Variants in EFCAB3 observed in about 807,000 individuals in gnomAD.
EFCAB3 encodes the protein EF-hand calcium-binding domain-containing protein 3.
EFCAB3 carries 36 observed loss-of-function variants against 42.2 expected under a neutral mutation model. The observed-to-expected ratio is 0.85, with a 90% CI of 0.65 to 1.13. EFCAB3 has a LOEUF of 1.13. Among genes scored for constraint, EFCAB3 ranks in the 50% most tolerant of loss-of-function variants. The pLI, the probability that EFCAB3 is intolerant of heterozygous loss-of-function variation, is 0.00. For synonymous variants in EFCAB3, 170 were observed against 172.8 expected (o/e 0.98, Z 0.13); for missense variants, 418 against 505.1 (o/e 0.83, Z 1.65).
At chr17:62,379,927 G>A (rs971664913), upstream of EFCAB3, among the ~76,000 whole-genome samples, 7 of 152,192 alleles carry the variant, frequency 4.6e-5, no homozygotes, top group African/African-American at 1.7e-4. Flanking sequence ...TTAATGAAAT[G>A]ATTCTTAATC....
chr17:62,396,168 T>C (rs998593871), intron 6 of EFCAB3, among the ~76,000 whole-genome samples: 13 of 152,210 alleles, frequency 8.5e-5, no homozygotes, highest in Non-Finnish European at 1.8e-4. Flanking sequence ...ACAATACATG[T>C]GAAGTGCTTA....
chr17:62,411,823 AGG>A (rs760664186), intron 8 of EFCAB3, among the ~76,000 whole-genome samples: 2 of 136,834 alleles, frequency 1.5e-5, no homozygotes, highest in Non-Finnish European at 3.1e-5. Context: ...GGAGGGAGGG[AGG>A]GAGGAAGGAG....
At chr17:62,383,701 A>G (rs1184544192) in intron 2 of EFCAB3, among the ~76,000 whole-genome samples, 1 of 152,148 alleles carries the variant, frequency 6.6e-6, no homozygotes, top group Non-Finnish European at 1.5e-5. Flanking sequence ...AGGATACAAA[A>G]TACCCTAGGG....
Position 62,387,329 on chromosome 17 carries a change from T to C in EFCAB3, c.75-11T>C, listed in dbSNP as rs1179947402. ...GGTAGTAAATCTAAATATTTTCACATCTTTCCTCAGGGATAGAGACTTACC... is the reference window on the plus strand; with the variant it reads ...GGTAGTAAATCTAAATATTTTCACACCTTTCCTCAGGGATAGAGACTTACC... On this transcript the variant is annotated splice_polypyrimidine_tract_variant and intron_variant, in intron 2 of 9. Coordinates refer to ENST00000305286, the MANE Select transcript of EFCAB3 (RefSeq NM_173503.4). 6.2e-7 allele frequency: 1 copy of C among 1,601,152 alleles called. No homozygotes were observed. Among genetic ancestry groups the C allele is most frequent in the Admixed American group, 1.7e-5 (1 of 58,982 alleles).
Position 62,383,048 on chromosome 17 carries a change from T to C in EFCAB3, c.69T>C (p.Asn23=), listed in dbSNP as rs921348838. ...NPLTKVPISH[N]KRDRDLPGSL... ...TAACAAAAGTACCCATCTCCCACAATAAAAGGTAGGTAATGAATGATTAAG... is the reference window on the plus strand; with the variant it reads ...TAACAAAAGTACCCATCTCCCACAACAAAAGGTAGGTAATGAATGATTAAG... The change falls in exon 2 of 10, where the codon AAT becomes AAC. Residue 23 remains asparagine (N), a synonymous_variant. Coordinates refer to ENST00000305286, the MANE Select transcript of EFCAB3 (RefSeq NM_173503.4). 1 of 1,611,634 alleles carries C rather than the reference T, an allele frequency of 6.2e-7. No homozygotes were observed.
intron 6 of EFCAB3, among the ~76,000 whole-genome samples, chr17:62,396,014 A>G (rs985869944): frequency 2.6e-5 from 4 of 152,160 alleles, no homozygotes; most frequent in African/African-American, 9.7e-5. Flanking sequence ...TTTTCATTCC[A>G]ACTCAAAGAC....
intron 6 of EFCAB3, among the ~76,000 whole-genome samples, chr17:62,400,290 A>G (rs1276471496): frequency 1.3e-5 from 2 of 151,992 alleles, no homozygotes; most frequent in Non-Finnish European, 2.9e-5. Context: ...CAGGTTTGTT[A>G]CATATGTATA....
intron 6 of EFCAB3, among the ~76,000 whole-genome samples, chr17:62,404,198 T>C (rs1347501995): frequency 1.3e-5 from 2 of 152,100 alleles, no homozygotes; most frequent in Admixed American, 6.5e-5. Context: ...TAGTGCACTA[T>C]GCCAATCAGG....
At chr17:62,372,337 A>T (rs1310984089) in intron 1 of EFCAB3, among the ~76,000 whole-genome samples, 1 of 151,846 alleles carries the variant, frequency 6.6e-6, no homozygotes, top group Non-Finnish European at 1.5e-5. Context: ...GTGGCATGTT[A>T]TCAGCTCCTG....
chr17:62,401,985 T>C (rs1053807663), intron 6 of EFCAB3, among the ~76,000 whole-genome samples: 1 of 152,228 alleles, frequency 6.6e-6, no homozygotes, highest in African/African-American at 2.4e-5. Flanking sequence ...TTTGTAATTA[T>C]CCTTGAAGAG....
chr17:62,403,998 G>A (rs768620371), intron 6 of EFCAB3, among the ~76,000 whole-genome samples: 2 of 152,022 alleles, frequency 1.3e-5, no homozygotes, highest in East Asian at 1.9e-4. Context: ...CATTTAACTC[G>A]GGTCCTCAAA....
At chr17:62,374,500 C>G (rs1277121877) in intron 2 of EFCAB3, among the ~76,000 whole-genome samples, 1 of 152,002 alleles carries the variant, frequency 6.6e-6, no homozygotes, top group Non-Finnish European at 1.5e-5. Flanking sequence ...ATCTAAAGTT[C>G]CTTTCTGGAT....
chr17:62,389,666 A>G (rs1279970124), intron 3 of EFCAB3, among the ~76,000 whole-genome samples: 1 of 152,176 alleles, frequency 6.6e-6, no homozygotes, highest in African/African-American at 2.4e-5. Flanking sequence ...CCTCCTTACC[A>G]GCATCTGTAT....
upstream of EFCAB3, among the ~76,000 whole-genome samples, chr17:62,378,706 T>A (rs969138519): frequency 1.6e-4 from 16 of 99,762 alleles, no homozygotes; most frequent in South Asian, 6.6e-4. Context: ...GTCTCTTTTT[T>A]AAAAAAAATG....
At chr17:62,374,183 G>A (rs1416833799) in intron 2 of EFCAB3, among the ~76,000 whole-genome samples, 4 of 152,048 alleles carry the variant, frequency 2.6e-5, no homozygotes, top group East Asian at 3.9e-4. Context: ...TAGCTAGGCC[G>A]GGCACGGTGG....
intron 5 of EFCAB3, 129 bp downstream of exon 5, chr17:62,393,773 T>C (rs547105101): frequency 4.2e-6 from 3 of 721,544 alleles, no homozygotes; most frequent in African/African-American, 3.5e-5. Context: ...GTTACTTTTG[T>C]ACCTCTTCTC....
rs1236234381 is a variant in EFCAB3 at position 62,381,017 on chromosome 17, C to G, written c.-18+404C>G. ...TCTACATTTTTTTATTATTATTATA[C>G]TTTAAGTTTTAGGGTACACGTGCAC... On this transcript the variant is annotated intron_variant, in intron 1 of 9. Coordinates refer to ENST00000305286, the MANE Select transcript of EFCAB3 (RefSeq NM_173503.4). Among the ~76,000 whole-genome samples, 4 of 152,144 alleles carry G rather than the reference C, an allele frequency of 2.6e-5. No individual in the cohort carries two copies. The East Asian group carries it at 5.8e-4, about 22-fold the overall frequency.
intron 1 of EFCAB3, among the ~76,000 whole-genome samples, chr17:62,373,109 C>T (rs530202216): frequency 6.6e-6 from 1 of 151,806 alleles, no homozygotes; most frequent in South Asian, 2.1e-4. Flanking sequence ...GGCGAAACCC[C>T]ATCTCACTAA....
chr17:62,390,981 C>T (rs1178432087), intron 3 of EFCAB3, among the ~76,000 whole-genome samples: 2 of 152,190 alleles, frequency 1.3e-5, no homozygotes, highest in African/African-American at 4.8e-5. Context: ...TTGGATTATA[C>T]AAAACATACA....
Sources: gnomAD v4.1 joint callset for allele counts (sites outside exome capture counted in the v4.1 genomes callset) on GRCh38, gnomAD v4.1.1 for gene constraint, MANE v1.5 for transcripts, NCBI Gene and HGNC (gene_info 2026-07-23, HGNC 2026-07-21) for gene names.